Variants in IPO11 observed in about 807,000 individuals in gnomAD.
The protein encoded by IPO11 is importin 11.
A neutral mutation model predicts 143.2 loss-of-function variants in IPO11; 66 were observed. The ratio of observed to expected loss-of-function variants is 0.46; its 90% CI spans 0.38 to 0.57. IPO11 has a LOEUF of 0.57. Among genes scored for constraint, IPO11 ranks in the 20% least tolerant of loss-of-function variants. The pLI, the probability that IPO11 is intolerant of heterozygous loss-of-function variation, is 0.00. For missense variants in IPO11, 1,026 were observed against 1,141.0 expected (o/e 0.90, Z 1.45); for synonymous variants, 385 against 377.8 (o/e 1.02, Z -0.22).
chr5:62,444,975 A>G (rs1744668544), intron 3 of IPO11, among the ~76,000 whole-genome samples: 1 of 151,666 alleles, frequency 6.6e-6, no homozygotes, highest in Admixed American at 6.6e-5. Context: ...TAAATATTTC[A>G]TGTTGTACTT....
chr5:62,428,069 T>C (rs1321420792), intron 1 of IPO11, among the ~76,000 whole-genome samples: 1 of 152,244 alleles, frequency 6.6e-6, no homozygotes, highest in African/African-American at 2.4e-5. Context: ...AATCCAGATG[T>C]TGTAGTACAC....
At chr5:62,435,140 A>ATATATGTATATG (rs1561308912) in intron 1 of IPO11, among the ~76,000 whole-genome samples, 5 of 54,538 alleles carry the variant, frequency 9.2e-5, no homozygotes, top group Admixed American at 1.6e-4. Flanking sequence ...ATATATGTAT[A>ATATATGTATATG]TATGTATATA....
chr5:62,435,178 A>ATG lies in IPO11; in HGVS notation c.-6-2094_-6-2093dup, dbSNP rs1554047231. On this transcript the variant is annotated intron_variant, in intron 1 of 29. Transcript: ENST00000325324. ...TATATATATGTATATATATGTATATATGTATATATATGTATATATATGTAT... is the reference window on the plus strand; with the variant it reads ...TATATATATGTATATATATGTATATATGTGTATATATATGTATATATATGTAT... Among the ~76,000 whole-genome samples the ATG allele has an allele frequency of 6.2e-4, 47 of 75,980 alleles. 3 individuals are homozygous for ATG. The highest frequency in any genetic ancestry group is 1.9e-3 in the African/African-American group (38 of 19,734). 49.8% of individuals were successfully genotyped at this position (75,980 alleles called of 152,430 possible).
At chr5:62,616,014 T>A (rs1746116729) in intron 29 of IPO11, among the ~76,000 whole-genome samples, 3 of 144,626 alleles carry the variant, frequency 2.1e-5, no homozygotes, top group African/African-American at 7.9e-5. Flanking sequence ...TAGGAACATT[T>A]GTCATGACAA....
At chr5:62,558,989 A>G (rs1353546385) in intron 26 of IPO11, among the ~76,000 whole-genome samples, 1 of 152,208 alleles carries the variant, frequency 6.6e-6, no homozygotes, top group South Asian at 2.1e-4. Context: ...ATAGTGCACA[A>G]TGGTATTATG....
At chr5:62,459,829 C>T (rs1580204183) in intron 5 of IPO11, among the ~76,000 whole-genome samples, 1 of 152,094 alleles carries the variant, frequency 6.6e-6, no homozygotes, top group Admixed American at 6.6e-5. Flanking sequence ...GATTACAGGC[C>T]TGAGCCACCT....
At chr5:62,538,303 T>C (rs1192211137) in intron 24 of IPO11, among the ~76,000 whole-genome samples, 1 of 152,188 alleles carries the variant, frequency 6.6e-6, no homozygotes, top group African/African-American at 2.4e-5. Context: ...AGTAAAAGTT[T>C]GCACAGATAA....
At chr5:62,445,756 A>G (rs1490814098) in intron 3 of IPO11, among the ~76,000 whole-genome samples, 1 of 152,180 alleles carries the variant, frequency 6.6e-6, no homozygotes, top group Non-Finnish European at 1.5e-5. Context: ...AATGATGTTC[A>G]GTAGGTTAGA....
chr5:62,427,736 T>C (rs1248151031), intron 1 of IPO11, among the ~76,000 whole-genome samples: 1 of 152,164 alleles, frequency 6.6e-6, no homozygotes, highest in Admixed American at 6.5e-5. Flanking sequence ...CATCCCCCCC[T>C]GCCCTTTACC....
chr5:62,561,364 T>TA, intron 27 of IPO11, 107 bp downstream of exon 27: 1 of 506,364 alleles, frequency 2.0e-6, no homozygotes, highest in East Asian at 4.0e-5. Flanking sequence ...TACTTTTATA[T>TA]ATATGGATGT....
At chr5:62,485,541 TAA>T in intron 12 of IPO11, 79 bp downstream of exon 12, 1 of 1,155,014 alleles carries the variant, frequency 8.7e-7, no homozygotes, top group Non-Finnish European at 1.3e-6. Flanking sequence ...GACACTCTAT[TAA>T]AGATTCCAGA....
intron 5 of IPO11, among the ~76,000 whole-genome samples, chr5:62,466,271 C>T (rs1325850486): frequency 6.6e-6 from 1 of 152,144 alleles, no homozygotes; most frequent in Non-Finnish European, 1.5e-5. Context: ...TTTAATGGCA[C>T]ATTAAAAATA....
At chr5:62,587,121 C>T (rs1744824067) in intron 27 of IPO11, among the ~76,000 whole-genome samples, 1 of 151,766 alleles carries the variant, frequency 6.6e-6, no homozygotes, top group Non-Finnish European at 1.5e-5. Flanking sequence ...ACATATAGAT[C>T]CTTTTAGTTA....
At chr5:62,513,684 G>A (rs1248874369) in intron 19 of IPO11, among the ~76,000 whole-genome samples, 1 of 144,872 alleles carries the variant, frequency 6.9e-6, no homozygotes, top group Non-Finnish European at 1.5e-5. Context: ...GGCCGGGCGG[G>A]GGGCTGAGCC....
At chr5:62,542,924 A>G (rs1292540253) in intron 24 of IPO11, among the ~76,000 whole-genome samples, 5 of 152,166 alleles carry the variant, frequency 3.3e-5, no homozygotes, top group African/African-American at 1.2e-4. Context: ...TTAAGGTGTA[A>G]CTTATTGTGT....
chr5:62,457,484 T>C (rs1745205309), intron 5 of IPO11, among the ~76,000 whole-genome samples: 1 of 152,148 alleles, frequency 6.6e-6, no homozygotes, highest in Non-Finnish European at 1.5e-5. Flanking sequence ...TAAAACATAA[T>C]AATAATAGTG....
Position 62,483,223 on chromosome 5 carries a change from T to C in IPO11, c.951T>C (p.Ile317=), listed in dbSNP as rs1485341839. 1.2e-5 allele frequency: 19 copies of C among 1,611,008 alleles called. No homozygotes were observed. The East Asian group carries it at 4.3e-4, about 36-fold the overall frequency. Residue 317 remains isoleucine, a synonymous_variant, in exon 10 of 30, where the codon ATT becomes ATC. Transcript: ENST00000325324. The stretch of plus-strand genomic sequence containing the variant: ...AAGGCGTTACATTTGAACGATTCAT[T>C]GTCCAATGTATGAATCTTATTAAGA... ...VGEGVTFERF[I]VQCMNLIKMI...
chr5:62,490,872 C>G lies in IPO11; in HGVS notation c.1463+652C>G, dbSNP rs62375044. On this transcript the variant is annotated intron_variant, in intron 15 of 29. Transcript: ENST00000325324. ...CCAGGTCCAAGCGATTCTTGTGCCT[C>G]AGTCTCCTGAGTAGCAGGGATTACA... Among the ~76,000 whole-genome samples the G allele has an allele frequency of 9.2e-3, 1,402 of 152,276 alleles. 20 individuals are homozygous for G. Among genetic ancestry groups the G allele is most frequent in the Non-Finnish European group, 0.016 (1,087 of 68,032 alleles).
At chr5:62,426,204 T>C (rs1013211516) in intron 1 of IPO11, among the ~76,000 whole-genome samples, 6 of 152,180 alleles carry the variant, frequency 3.9e-5, no homozygotes, top group Non-Finnish European at 5.9e-5. Context: ...CTACCCAACA[T>C]GGTGAAACCC....
Sources: allele counts gnomAD v4.1 joint callset (sites outside exome capture counted in the v4.1 genomes callset), GRCh38; gene constraint gnomAD v4.1.1; transcripts MANE v1.5; gene names NCBI Gene and HGNC (gene_info 2026-07-23, HGNC 2026-07-21).